The following GANC variants were observed in gnomAD, a reference collection of about 807,000 sequenced individuals.
The protein encoded by GANC is glucosidase alpha, neutral C.
GANC carries 117 observed loss-of-function variants against 124.2 expected under a neutral mutation model. The observed-to-expected ratio is 0.94, with a 90% confidence interval of 0.81 to 1.10. The LOEUF is 1.10. GANC is among the 50% of genes least tolerant of loss of function. The pLI is 0.00. For synonymous variants in GANC, 377 were observed against 376.8 expected, an observed-to-expected ratio of 1.00 and a Z score of -0.01; for missense variants, 1,140 against 1,095.0, an observed-to-expected ratio of 1.04 and a Z score of -0.58.
intron 6 of GANC, among the ~76,000 whole-genome samples, chr15:42,299,744 G>A (rs2051927988): frequency 1.3e-5 from 2 of 152,146 alleles, no homozygotes; most frequent in African/African-American, 4.8e-5. Context: ...CATGGTGCTG[G>A]TACCAAAACA....
chr15:42,287,558 TAA>T, intron 3 of GANC, 131 bp from the exon 4 acceptor site: 1 of 839,902 alleles, frequency 1.2e-6, no homozygotes, highest in African/African-American at 1.8e-5. Flanking sequence ...CTTTTTTTTT[TAA>T]TTGCCATTGT....
chr15:42,308,237 G>A lies in GANC; in HGVS notation c.641G>A (p.Gly214Asp). Reference protein sequence around the residue: ...DIKANGPSSIGLDFSLHGFEH... With the variant: ...DIKANGPSSIDLDFSLHGFEH... ...GTCTCTACAGGCCCTTCTTCTATTG[G>A]TTTGGATTTCTCCTTGCATGGATTT... The change falls in exon 8 of 24, where the codon GGT (glycine) becomes GAT (aspartate). Residue 214 changes from glycine to aspartate, a missense_variant. Physicochemically the swap from Gly to Asp is moderately conservative, Grantham distance 94. Coordinates refer to ENST00000318010, the MANE Select transcript of GANC (RefSeq NM_198141.3). 4.4e-6 allele frequency: 7 copies of A among 1,604,902 alleles called. No individual in the cohort carries two copies. Among genetic ancestry groups the A allele is most frequent in the Non-Finnish European group, 6.0e-6 (7 of 1,173,268 alleles).
In GANC at chr15:42,278,681, A is replaced by G. The variant is rs2051701135; in HGVS notation, c.201+91A>G. On this transcript the variant is annotated intron_variant, in intron 3 of 23. Coordinates refer to ENST00000318010, the MANE Select transcript of GANC (RefSeq NM_198141.3). ...AATTAAAGCTATGTATGCTTCAAAA[A>G]TAAACCTCGTTAGAAAAGGAATATC... 9 of 870,586 alleles carry G rather than the reference A, an allele frequency of 1.0e-5. No homozygotes were observed. The South Asian group carries it at 1.5e-4, about 15-fold the overall frequency. 53.9% of individuals were successfully genotyped at this position (870,586 alleles called of 1,614,324 possible).
At chr15:42,283,409 G>A (rs16973003) in intron 3 of GANC, among the ~76,000 whole-genome samples, 1,572 of 152,216 alleles carry the variant, frequency 0.01, 26 homozygotes, top group African/African-American at 0.035. Context: ...GTTTTCTATC[G>A]TCAGTGAAAA....
At chr15:42,277,764 C>T (rs1205914644) in intron 2 of GANC, among the ~76,000 whole-genome samples, 1 of 151,636 alleles carries the variant, frequency 6.6e-6, no homozygotes, top group Non-Finnish European at 1.5e-5. Flanking sequence ...CCACGCCCGG[C>T]TAATTTTTTG....
intron 4 of GANC, among the ~76,000 whole-genome samples, chr15:42,288,885 G>A (rs900200579): frequency 1.3e-5 from 2 of 152,078 alleles, no homozygotes; most frequent in Non-Finnish European, 2.9e-5. Flanking sequence ...TTGAATCAAT[G>A]CATACATATA....
At chr15:42,307,141 G>A (rs919541115) in intron 7 of GANC, among the ~76,000 whole-genome samples, 2 of 152,058 alleles carry the variant, frequency 1.3e-5, no homozygotes, top group Non-Finnish European at 2.9e-5. Context: ...TATGCAGTTA[G>A]AAAAATACTC....
At chr15:42,326,513 A>G in intron 12 of GANC, 89 bp downstream of exon 12, 1 of 1,583,818 alleles carries the variant, frequency 6.3e-7, no homozygotes, top group Non-Finnish European at 8.6e-7. Flanking sequence ...TCCCTTGTAG[A>G]TGTCTCTTGC....
At chr15:42,278,433 C>A in intron 2 of GANC, 49 bp from the exon 3 acceptor site, 1 of 1,236,406 alleles carries the variant, frequency 8.1e-7, no homozygotes, top group Non-Finnish European at 1.2e-6. Context: ...CTTTTGGATA[C>A]TGACAATCAC....
At chr15:42,344,055 A>G (rs917313052) in intron 19 of GANC, among the ~76,000 whole-genome samples, 9 of 152,212 alleles carry the variant, frequency 5.9e-5, no homozygotes, top group African/African-American at 9.7e-5. Flanking sequence ...CTTGCTGCTC[A>G]GTACTGTCAG....
chr15:42,298,375 A>G (rs73398938), intron 6 of GANC, among the ~76,000 whole-genome samples: 15,705 of 152,216 alleles, frequency 0.1, 1,180 homozygotes, highest in Admixed American at 0.19. Flanking sequence ...TTATCTAACA[A>G]TTATTTGTTA....
chr15:42,329,720 A>C (rs900199939), intron 14 of GANC, among the ~76,000 whole-genome samples: 24 of 152,236 alleles, frequency 1.6e-4, no homozygotes, highest in African/African-American at 5.8e-4. Context: ...GGAGCCATTA[A>C]TAAGTGGCAC....
Position 42,339,670 on chromosome 15 carries a change from T to A in GANC, c.1845T>A (p.Ala615=). 6.2e-7 allele frequency: 1 copy of A among 1,609,494 alleles called. No homozygotes were observed. The highest frequency in any genetic ancestry group is 1.1e-5 in the South Asian group (1 of 90,932). ...CACTTGGCCTTCTTTTGCTTCCAGC[T>A]GACATAGGCGGGTTCATTGGGAATC... ...LSITGISFCG[A]DIGGFIGNPE... Residue 615 remains alanine (A), a splice_region_variant and synonymous_variant, in exon 17 of 24, where the codon GCT becomes GCA. Transcript: ENST00000318010.
chr15:42,351,961 T>C (rs1367005551), intron 23 of GANC, 69 bp from the exon 24 acceptor site: 201 of 1,583,730 alleles, frequency 1.3e-4, no homozygotes, highest in Non-Finnish European at 1.7e-4. Context: ...ACATTTCAGA[T>C]TTGGAGAAAA....
chr15:42,276,874 C>G (rs904798449), intron 2 of GANC, among the ~76,000 whole-genome samples: 1 of 151,452 alleles, frequency 6.6e-6, no homozygotes. Context: ...CTTTTTATAC[C>G]AAATAGGTTT....
chr15:42,352,562 A>G lies in GANC; in HGVS notation c.*423A>G, dbSNP rs367947650. On this transcript the variant is annotated 3_prime_UTR_variant, in exon 24 of 24. Coordinates refer to ENST00000318010, the MANE Select transcript of GANC (RefSeq NM_198141.3). ...CTGAGTTGCTCAAGGCCAGTGTCCAAGTGGACAGCAGCCTCTGGTACTCCC... is the reference window on the plus strand; with the variant it reads ...CTGAGTTGCTCAAGGCCAGTGTCCAGGTGGACAGCAGCCTCTGGTACTCCC... 8.8e-6 allele frequency: 9 copies of G among 1,017,640 alleles called. No homozygotes were observed. The African/African-American group carries it at 1.5e-4, about 17-fold the overall frequency. The allele number at this position is 1,017,640 out of a possible 1,614,324, so 63.0% of individuals were successfully genotyped here. A position where few individuals can be genotyped will look rare whatever the true frequency, so the allele number is the denominator to read the frequency against.
intron 12 of GANC, among the ~76,000 whole-genome samples, chr15:42,326,991 C>T (rs1458434597): frequency 2.0e-5 from 3 of 152,184 alleles, no homozygotes; most frequent in South Asian, 2.1e-4. Context: ...AGAGAAACCC[C>T]GTGCCTTTCT....
chr15:42,315,728 T>C (rs998777384), intron 10 of GANC, among the ~76,000 whole-genome samples: 125 of 152,264 alleles, frequency 8.2e-4, no homozygotes, highest in African/African-American at 2.8e-3. Flanking sequence ...AACATTTAAG[T>C]CAGTAGACTT....
At chr15:42,350,551 CT>C (rs1265729419) in intron 22 of GANC, among the ~76,000 whole-genome samples, 203 of 123,322 alleles carry the variant, frequency 1.6e-3, no homozygotes, top group Middle Eastern at 8.9e-3. Flanking sequence ...ACAGAGTTGT[CT>C]TTTTTTTTTT....
Sources: allele counts gnomAD v4.1 joint callset (sites outside exome capture counted in the v4.1 genomes callset), GRCh38; gene constraint gnomAD v4.1.1; transcripts MANE v1.5; gene names NCBI Gene and HGNC (gene_info 2026-07-23, HGNC 2026-07-21).